Variants in SORCS3 observed in about 807,000 individuals in gnomAD.
The protein encoded by SORCS3 is VPS10 domain-containing receptor SorCS3.
Under a neutral mutation model 146.3 loss-of-function variants are expected in SORCS3, and 57 were observed. The ratio of observed to expected loss-of-function variants is 0.39; its 90% CI spans 0.31 to 0.49. The LOEUF (loss-of-function observed/expected upper bound fraction) is 0.49. SORCS3 is among the 20% of genes least tolerant of loss of function. SORCS3 has a pLI of 0.92. For synonymous variants in SORCS3, 653 were observed against 618.5 expected (o/e 1.06, Z -0.83); for missense variants, 1,341 against 1,575.5 (o/e 0.85, Z 2.52).
Position 104,785,591 on chromosome 10 carries a change from T to TAA in SORCS3, c.628-57191_628-57190dup, listed in dbSNP as rs1554851154. Among the ~76,000 whole-genome samples the TAA allele has an allele frequency of 2.3e-3, 347 of 148,266 alleles. 1 individual carries two copies. The highest frequency in any genetic ancestry group is 6.9e-3 in the African/African-American group (277 of 40,214). ...AAGAATTATCAATAAAAAAATAAAT[T>TAA]AAAAAAAAAAATGTGCTTGCTGTCA... is the stretch of plus-strand genomic sequence containing the variant. On this transcript the variant is annotated intron_variant, in intron 1 of 26. Transcript: ENST00000369701.
At chr10:105,250,411 A>AAT (rs1210178274) in intron 22 of SORCS3, among the ~76,000 whole-genome samples, 1 of 152,152 alleles carries the variant, frequency 6.6e-6, no homozygotes, top group African/African-American at 2.4e-5. Context: ...TAATTGCAAT[A>AAT]ATAATAATCA....
At chr10:105,232,400 T>G (rs952555665) in intron 20 of SORCS3, among the ~76,000 whole-genome samples, 5 of 152,050 alleles carry the variant, frequency 3.3e-5, no homozygotes, top group African/African-American at 9.7e-5. Flanking sequence ...CTCTTTCATT[T>G]CGGATATTAG....
rs1398988435 is a variant in SORCS3 at position 104,945,539 on chromosome 10, G to A, written c.795+29607G>A. 6.7e-5 allele frequency among the ~76,000 whole-genome samples: 10 copies of A among 149,638 alleles called. No homozygotes were observed. The East Asian group carries it at 1.8e-3, about 26-fold the overall frequency. On this transcript the variant is annotated intron_variant, in intron 3 of 26. Transcript: ENST00000369701. The stretch of plus-strand genomic sequence containing the variant: ...CTCCCAAAGTGCTGGAATTACAGAT[G>A]TGAACCACTGTGCCCAGCCTAATGT...
intron 13 of SORCS3, among the ~76,000 whole-genome samples, chr10:105,176,726 G>A (rs902085172): frequency 4.6e-5 from 7 of 151,644 alleles, no homozygotes; most frequent in Admixed American, 1.3e-4. Flanking sequence ...TTGGTGACAC[G>A]TGCCTGTAGT....
At chr10:104,983,649 T>C (rs1315384768) in intron 4 of SORCS3, among the ~76,000 whole-genome samples, 1 of 152,136 alleles carries the variant, frequency 6.6e-6, no homozygotes, top group Non-Finnish European at 1.5e-5. Context: ...ATGTACGTGC[T>C]GTTTTTTTCT....
intron 2 of SORCS3, among the ~76,000 whole-genome samples, chr10:104,881,756 A>C (rs192525190): frequency 6.6e-6 from 1 of 152,194 alleles, no homozygotes; most frequent in African/African-American, 2.4e-5. Flanking sequence ...AAGCAAAGCA[A>C]AAAGACTATG....
At chr10:105,009,527 CAA>C (rs35368294) in intron 4 of SORCS3, among the ~76,000 whole-genome samples, 3,219 of 104,502 alleles carry the variant, frequency 0.031, 33 homozygotes, top group South Asian at 0.055. Flanking sequence ...AACAAACAAA[CAA>C]AAAAAAAAAA....
chr10:105,100,329 A>G (rs2055775035), intron 6 of SORCS3, among the ~76,000 whole-genome samples: 1 of 152,226 alleles, frequency 6.6e-6, no homozygotes, highest in Admixed American at 6.5e-5. Flanking sequence ...GTTTTTACAT[A>G]GGGATATCCA....
chr10:104,962,108 G>C (rs753468136), intron 3 of SORCS3, among the ~76,000 whole-genome samples: 5 of 152,084 alleles, frequency 3.3e-5, no homozygotes, highest in South Asian at 2.1e-4. Context: ...GGAGTTCTTG[G>C]AAGACCGAGA....
At chr10:105,221,580 A>G (rs1444751138) in intron 19 of SORCS3, among the ~76,000 whole-genome samples, 2 of 152,232 alleles carry the variant, frequency 1.3e-5, no homozygotes, top group Non-Finnish European at 2.9e-5. Context: ...GGAAAAAATC[A>G]TATGGGTACA....
At chr10:104,861,420 T>C (rs1440380240) in intron 2 of SORCS3, among the ~76,000 whole-genome samples, 1 of 152,174 alleles carries the variant, frequency 6.6e-6, no homozygotes, top group Non-Finnish European at 1.5e-5. Flanking sequence ...GAGTTAATAA[T>C]GGTAAAGTGT....
At chr10:105,178,004 G>C in intron 13 of SORCS3, 62 bp from the exon 14 acceptor site, 1 of 1,253,936 alleles carries the variant, frequency 8.0e-7, no homozygotes. Context: ...CCTGAAAAAC[G>C]GTTACAGAAG....
intron 6 of SORCS3, among the ~76,000 whole-genome samples, chr10:105,096,001 A>T (rs558637701): frequency 6.6e-6 from 1 of 152,106 alleles, no homozygotes; most frequent in South Asian, 2.1e-4. Context: ...TGCTTTTCTT[A>T]TGTTTGTTCA....
chr10:105,124,575 AAC>A (rs1372480493), intron 7 of SORCS3, among the ~76,000 whole-genome samples: 1 of 152,184 alleles, frequency 6.6e-6, no homozygotes, highest in Non-Finnish European at 1.5e-5. Context: ...ACTGCAAGCA[AAC>A]ATCTGTTACA....
chr10:104,784,612 A>G (rs750653693), intron 1 of SORCS3, among the ~76,000 whole-genome samples: 1 of 152,208 alleles, frequency 6.6e-6, no homozygotes, highest in Non-Finnish European at 1.5e-5. Flanking sequence ...CTTCAAGTGC[A>G]GAGGCAGCAG....
At chr10:104,665,469 C>T (rs2015762479) in intron 1 of SORCS3, 1 of 152,220 alleles carries the variant, frequency 6.6e-6, no homozygotes, top group Non-Finnish European at 1.5e-5. Context: ...ATCACTTAGT[C>T]ACTCTGAAAT....
rs568899005 is a variant in SORCS3 at position 104,836,086 on chromosome 10, G to T, written c.628-6706G>T. On this transcript the variant is annotated intron_variant, in intron 1 of 26. Coordinates refer to ENST00000369701, the MANE Select transcript of SORCS3 (RefSeq NM_014978.3). ...GTGGCCTTGCAAGCTCCATCCAGGAGGCAGAGGGCTGGATCCAATTGGGCA... is the reference window on the plus strand; with the variant it reads ...GTGGCCTTGCAAGCTCCATCCAGGATGCAGAGGGCTGGATCCAATTGGGCA... 2.0e-5 allele frequency among the ~76,000 whole-genome samples: 3 copies of T among 152,290 alleles called. No individual in the cohort carries two copies. The East Asian group carries it at 5.8e-4, about 29-fold the overall frequency.
At chr10:104,790,935 A>T (rs1298791814) in intron 1 of SORCS3, among the ~76,000 whole-genome samples, 3 of 152,234 alleles carry the variant, frequency 2.0e-5, no homozygotes, top group Admixed American at 6.5e-5. Flanking sequence ...GAACTTTATA[A>T]GATAACACTC....
At chr10:104,818,366 TTCC>T (rs2017830443) in intron 1 of SORCS3, among the ~76,000 whole-genome samples, 2 of 139,962 alleles carry the variant, frequency 1.4e-5, no homozygotes, top group Admixed American at 1.4e-4. Flanking sequence ...CCTTTCTTCC[TTCC>T]TTCCTTCCTT....
Sources: gnomAD v4.1 joint callset for allele counts (sites outside exome capture counted in the v4.1 genomes callset) on GRCh38, gnomAD v4.1.1 for gene constraint, MANE v1.5 for transcripts, NCBI Gene and HGNC (gene_info 2026-07-23, HGNC 2026-07-21) for gene names.